Variants in ZP4 observed in about 807,000 individuals in gnomAD.
The protein encoded by ZP4 is zona pellucida sperm-binding protein 4.
A neutral mutation model predicts 62.3 loss-of-function variants in ZP4; 62 were observed. That is an observed-to-expected ratio of 0.99 (90% CI 0.81 to 1.23). ZP4 has a LOEUF of 1.23. ZP4 is among the 50% of genes most tolerant of loss of function. The probability of loss-of-function intolerance (pLI) is 0.00; values close to 1 mark genes in which losing one functional copy is unlikely to be tolerated. For missense variants in ZP4, 774 were observed against 656.0 expected (o/e 1.18, Z -1.97); for synonymous variants, 289 against 247.3 (o/e 1.17, Z -1.58).
chr1:237,889,978 A>C lies in ZP4; in HGVS notation c.298-9T>G. On this transcript the variant is annotated splice_polypyrimidine_tract_variant and intron_variant, in intron 2 of 11. Coordinates refer to ENST00000366570, the MANE Select transcript of ZP4 (RefSeq NM_021186.5). ...ATGATGTAGTGGGAGTCCTGGAGAG[A>C]CAGGCCCTTGGGGGTCAGCCTGGAT... The C allele has an allele frequency of 6.2e-7, 1 of 1,614,096 alleles. No individual in the cohort carries two copies. The highest frequency in any genetic ancestry group is 8.5e-7 in the Non-Finnish European group (1 of 1,180,008).
Position 237,887,524 on chromosome 1 carries a change from A to G in ZP4, c.591T>C (p.Ile197=), listed in dbSNP as rs758294160. 1.2e-6 allele frequency: 2 copies of G among 1,614,212 alleles called. No homozygotes were observed. The highest frequency in any genetic ancestry group is 1.7e-6 in the Non-Finnish European group (2 of 1,180,026). ...GCGAGGTCACGTTCCGAGACACAGC[A>G]ATAGAGAAATGGCCCTCTCGGGTAC... ...LHCTREGHFS[I]AVSRNVTSPP... Residue 197 remains isoleucine, a synonymous_variant, in exon 5 of 12, where the codon ATT becomes ATC. Coordinates refer to ENST00000366570, the MANE Select transcript of ZP4 (RefSeq NM_021186.5).
intron 5 of ZP4, 140 bp from the exon 6 acceptor site, chr1:237,887,008 C>T: frequency 1.4e-6 from 1 of 735,408 alleles, no homozygotes. Context: ...GAACACATAG[C>T]AGTGACATCC....
chr1:237,885,371 T>C lies in ZP4; in HGVS notation c.1160+20A>G, dbSNP rs775251415. 1 of 1,610,848 alleles carries C rather than the reference T, an allele frequency of 6.2e-7. No individual in the cohort carries two copies. The highest frequency in any genetic ancestry group is 8.5e-7 in the Non-Finnish European group (1 of 1,178,446). ...GCTTCTTTGAGAATTTCAGCACAGG[T>C]GTATGAAAGAACCACTTACCCCTTT... On this transcript the variant is annotated intron_variant, in intron 8 of 11. Coordinates refer to ENST00000366570, the MANE Select transcript of ZP4 (RefSeq NM_021186.5).
intron 10 of ZP4, among the ~76,000 whole-genome samples, chr1:237,883,472 T>TG (rs996441816): frequency 3.3e-5 from 5 of 150,982 alleles, no homozygotes; most frequent in African/African-American, 1.2e-4. Context: ...CCCAACACTT[T>TG]GGGGGGCCAA....
At chr1:237,889,165 T>C (rs1051599191) in intron 3 of ZP4, among the ~76,000 whole-genome samples, 1 of 152,180 alleles carries the variant, frequency 6.6e-6, no homozygotes, top group Non-Finnish European at 1.5e-5. Flanking sequence ...GAGGTATTTT[T>C]CCAAGTTCCC....
intron 6 of ZP4, 78 bp downstream of exon 6, chr1:237,886,693 G>T: frequency 8.3e-7 from 1 of 1,200,868 alleles, no homozygotes; most frequent in Non-Finnish European, 1.2e-6. Flanking sequence ...GCTGAGGAAT[G>T]CTCATTTGTG....
intron 1 of ZP4, 45 bp from the exon 2 acceptor site, chr1:237,890,221 C>T: frequency 6.2e-7 from 1 of 1,612,118 alleles, no homozygotes; most frequent in Non-Finnish European, 8.5e-7. Context: ...GGTCAGTCTC[C>T]AGTGCCAGAA....
chr1:237,890,369 G>A, intron 1 of ZP4, 92 bp downstream of exon 1: 1 of 1,512,072 alleles, frequency 6.6e-7, no homozygotes, highest in Non-Finnish European at 9.0e-7. Flanking sequence ...CTCAGAAGGT[G>A]AAAGTATCAA....
rs368769236 is a variant in ZP4, at chr1:237,885,374, A to T, written c.1160+17T>A. On this transcript the variant is annotated intron_variant, in intron 8 of 11. Transcript: ENST00000366570. ...TCTTTGAGAATTTCAGCACAGGTGTATGAAAGAACCACTTACCCCTTTACC... is the reference window on the plus strand; with the variant it reads ...TCTTTGAGAATTTCAGCACAGGTGTTTGAAAGAACCACTTACCCCTTTACC... The T allele has an allele frequency of 6.2e-7, 1 of 1,610,990 alleles. No homozygotes were observed. Among genetic ancestry groups the T allele is most frequent in the Non-Finnish European group, 8.5e-7 (1 of 1,178,418 alleles).
Position 237,885,866 on chromosome 1 carries a change from T to C in ZP4, c.860A>G (p.Tyr287Cys). The C allele has an allele frequency of 6.2e-6, 10 of 1,614,086 alleles. No individual in the cohort carries two copies. Among genetic ancestry groups the C allele is most frequent in the Non-Finnish European group, 8.5e-6 (10 of 1,180,010 alleles). The change falls in exon 7 of 12, where the codon TAC (tyrosine) becomes TGC (cysteine). Residue 287 changes from tyrosine (Y) to cysteine (C), a missense_variant. Physicochemically the swap from Tyr to Cys is radical, Grantham distance 194 (BLOSUM62 -2). Transcript: ENST00000366570. ...TGGGAGAGAGTTGCTACTTACTGAG[T>C]AGCTGCAGCTGACATGGAGCCTGCA... ...SIFRLHVSCS[Y>C]SVSSNSLPIN...
At chr1:237,886,910 G>T in intron 5 of ZP4, 42 bp from the exon 6 acceptor site, 1 of 1,552,564 alleles carries the variant, frequency 6.4e-7, no homozygotes, top group Non-Finnish European at 8.9e-7. Context: ...TTCTGTTAGT[G>T]TTATGCTGCT....
Position 237,885,837 on chromosome 1 carries a change from T to G in ZP4, c.889A>C (p.Asn297His), listed in dbSNP as rs1665089354. ...YSVSSNSLPI[N>H]VQVFTLPPPF... ...GGTGGGAGAGTGAAAACCTGGACAT[T>G]GATTGGGAGAGAGTTGCTACTTACT... The change falls in exon 7 of 12, where the codon AAT becomes CAT. Residue 297 changes from asparagine (N) to histidine (H), a missense_variant. Transcript: ENST00000366570. 1 of 1,613,952 alleles carries G rather than the reference T, an allele frequency of 6.2e-7. No individual in the cohort carries two copies. The highest frequency in any genetic ancestry group is 2.2e-5 in the East Asian group (1 of 44,854).
rs1558528898 is a variant in ZP4 at position 237,882,404 on chromosome 1, T to A, written c.*18A>T. 2.5e-6 allele frequency: 4 copies of A among 1,608,934 alleles called. No homozygotes were observed. The East Asian group carries it at 8.9e-5, about 36-fold the overall frequency. On this transcript the variant is annotated 3_prime_UTR_variant, in exon 12 of 12. Coordinates refer to ENST00000366570, the MANE Select transcript of ZP4 (RefSeq NM_021186.5). ...TTCAAATGAGAAGCTCAGCACAGGC[T>A]GGGAATACACTCTGGTTTTATTGAC...
chr1:237,886,911 T>C (rs764268713), intron 5 of ZP4, 43 bp from the exon 6 acceptor site: 2 of 1,550,734 alleles, frequency 1.3e-6, no homozygotes, highest in Non-Finnish European at 1.8e-6. Context: ...TCTGTTAGTG[T>C]TATGCTGCTT....
At chr1:237,883,716 G>GAGA (rs1664983748) in intron 10 of ZP4, among the ~76,000 whole-genome samples, 1 of 16,560 alleles carries the variant, frequency 6.0e-5, no homozygotes, top group Non-Finnish European at 1.1e-4. Flanking sequence ...GGGGAGGGCG[G>GAGA]GGGAGGGCGG....
At position 237,890,114 on chromosome 1, in the gene ZP4, C is replaced by G; in HGVS notation, c.238G>C (p.Gly80Arg). The stretch of plus-strand genomic sequence containing the variant: ...TCCAACACCACGGAGCTGCCTGGAC[C>G]TTTTCTTATCCAGGTGCCACAGTCG... Reference protein sequence around the residue: ...DSDCGTWIRKGPGSSVVLEAT... With the variant: ...DSDCGTWIRKRPGSSVVLEAT... Residue 80 changes from glycine (G) to arginine (R), a missense_variant, in exon 2 of 12, where the codon GGT becomes CGT. By Grantham distance (125) the Gly-to-Arg change is moderately radical. Transcript: ENST00000366570. 6.2e-7 allele frequency: 1 copy of G among 1,614,140 alleles called. No homozygotes were observed.
In ZP4 at chr1:237,885,795, G is replaced by T; in HGVS notation, c.931C>A (p.Gln311Lys). 1.2e-6 allele frequency: 2 copies of T among 1,614,162 alleles called. No individual in the cohort carries two copies. The highest frequency in any genetic ancestry group is 2.7e-5 in the African/African-American group (2 of 75,032). The change falls in exon 7 of 12, where the codon CAG becomes AAG. Residue 311 changes from glutamine (Q) to lysine (K), a missense_variant. Physicochemically the swap from Gln to Lys is moderately conservative, Grantham distance 53. Transcript: ENST00000366570. ...FTLPPPFPET[Q>K]PGPLTLELQI... ...AGTTCCAGAGTGAGGGGTCCAGGCT[G>T]GGTCTCAGGAAAGGGTGGTGGGAGA...
intron 7 of ZP4, 86 bp downstream of exon 7, chr1:237,885,670 G>A (rs548351561): frequency 3.1e-6 from 5 of 1,593,754 alleles, no homozygotes; most frequent in African/African-American, 1.3e-5. Context: ...AGCCCCTTAA[G>A]TGTCTTGTTA....
intron 5 of ZP4, 54 bp downstream of exon 5, chr1:237,887,320 A>C: frequency 1.3e-6 from 2 of 1,587,900 alleles, no homozygotes; most frequent in South Asian, 1.1e-5. Context: ...CCCACTAGTC[A>C]CTACAACCTT....
Sources: allele counts gnomAD v4.1 joint callset (sites outside exome capture counted in the v4.1 genomes callset), GRCh38; gene constraint gnomAD v4.1.1; transcripts MANE v1.5; gene names NCBI Gene and HGNC (gene_info 2026-07-23, HGNC 2026-07-21).